Variants in TARS3 observed in about 807,000 individuals in gnomAD.
The protein encoded by TARS3 is threonine--tRNA ligase 2, cytoplasmic.
A neutral mutation model predicts 103.5 loss-of-function variants in TARS3; 94 were observed. The ratio of observed to expected loss-of-function variants is 0.91; its 90% CI spans 0.77 to 1.08. TARS3 has a LOEUF of 1.08. Ranked by LOEUF, TARS3 falls within the 50% of genes least tolerant of loss-of-function variation. The pLI, the probability that TARS3 is intolerant of heterozygous loss-of-function variation, is 0.00. For missense variants in TARS3, 952 were observed against 995.2 expected (o/e 0.96, Z 0.58); for synonymous variants, 416 against 355.4 (o/e 1.17, Z -1.92).
intron 12 of TARS3, among the ~76,000 whole-genome samples, chr15:101,677,441 C>G (rs1332701747): frequency 1.3e-5 from 2 of 152,200 alleles, no homozygotes; most frequent in Admixed American, 1.3e-4. Flanking sequence ...CTTTGCTCAC[C>G]CCACTGAGGC....
At chr15:101,681,321 T>C (rs1392954353) in intron 12 of TARS3, among the ~76,000 whole-genome samples, 1 of 152,216 alleles carries the variant, frequency 6.6e-6, no homozygotes, top group Non-Finnish European at 1.5e-5. Flanking sequence ...AAAGGTCTGC[T>C]TGGGTATTGA....
Position 101,724,354 on chromosome 15 carries a change from C to T in TARS3, c.34G>A (p.Ala12Thr). The T allele has an allele frequency of 1.3e-6, 2 of 1,544,934 alleles. No individual in the cohort carries two copies. The highest frequency in any genetic ancestry group is 1.2e-5 in the South Asian group (1 of 84,268). Residue 12 changes from alanine to threonine, a missense_variant, in exon 1 of 19, where the codon GCG becomes ACG. Transcript: ENST00000335968. ...AAEALAAEAV[A>T]SRLERQEEDI... ...TCCTCCTGCCGCTCCAGGCGCGACG[C>T]CACGGCCTCCGCCGCCAGGGCCTCG...
intron 3 of TARS3, among the ~76,000 whole-genome samples, chr15:101,718,615 TAG>T (rs1210913446): frequency 2.0e-5 from 3 of 151,916 alleles, no homozygotes; most frequent in African/African-American, 7.3e-5. Flanking sequence ...ATCCAGACAA[TAG>T]AGGCCAGTGG....
chr15:101,687,140 C>T (rs758407937), intron 10 of TARS3, among the ~76,000 whole-genome samples: 3 of 152,006 alleles, frequency 2.0e-5, no homozygotes, highest in East Asian at 1.9e-4. Context: ...TGGTGGCTCA[C>T]GCCTGTAATC....
chr15:101,659,798 A>G (rs987601263), intron 16 of TARS3, among the ~76,000 whole-genome samples: 5 of 152,232 alleles, frequency 3.3e-5, no homozygotes, highest in African/African-American at 1.2e-4. Context: ...TGTAACTTCA[A>G]CAGCTTAGAA....
chr15:101,693,271 G>C (rs1271933625), intron 10 of TARS3, among the ~76,000 whole-genome samples: 2 of 152,138 alleles, frequency 1.3e-5, no homozygotes, highest in Admixed American at 1.3e-4. Flanking sequence ...TGGTGGGGGG[G>C]CCTCACAATC....
intron 2 of TARS3, among the ~76,000 whole-genome samples, chr15:101,722,332 C>T (rs1394169878): frequency 6.6e-6 from 1 of 151,418 alleles, no homozygotes; most frequent in Non-Finnish European, 1.5e-5. Flanking sequence ...TACTTGTATA[C>T]CATCGTACTC....
intron 10 of TARS3, among the ~76,000 whole-genome samples, chr15:101,691,331 G>C (rs1350587947): frequency 6.6e-6 from 1 of 151,594 alleles, no homozygotes; most frequent in Non-Finnish European, 1.5e-5. Context: ...CCAGGCTGGA[G>C]TGCAGTGGCA....
chr15:101,658,311 C>CAAAAAAAAAAA (rs36121104), intron 16 of TARS3, among the ~76,000 whole-genome samples: 1 of 70,150 alleles, frequency 1.4e-5, no homozygotes, highest in Non-Finnish European at 2.5e-5. Flanking sequence ...ACACCATCAG[C>CAAAAAAAAAAA]AAAAAAAAAA....
Position 101,721,203 on chromosome 15 carries a change from T to A in TARS3, c.489A>T (p.Thr163=), listed in dbSNP as rs376197794. The A allele has an allele frequency of 1.2e-6, 2 of 1,614,004 alleles. No individual in the cohort carries two copies. The highest frequency in any genetic ancestry group is 1.6e-4 in the Middle Eastern group (1 of 6,062). Residue 163 remains threonine (T), a synonymous_variant, in exon 3 of 19, where the codon ACA becomes ACT. Transcript: ENST00000335968. The stretch of plus-strand genomic sequence containing the variant: ...CTGTTTGCCCATCAGCCACTCTTAC[T>A]GTGATGATGTTGCTTGTATCCCCCT... ...GKKGDTSNII[T]VRVADGQTVQ... is the part of the protein sequence containing the mutation.
chr15:101,661,903 T>C (rs1220120488), intron 15 of TARS3, 87 bp from the exon 16 acceptor site: 2 of 770,212 alleles, frequency 2.6e-6, no homozygotes, highest in Non-Finnish European at 3.9e-6. Flanking sequence ...AGAATAGATT[T>C]AGATTAGTGA....
chr15:101,701,240 C>T lies in TARS3; in HGVS notation c.1222-56G>A, dbSNP rs1899259368. The T allele has an allele frequency of 7.5e-6, 8 of 1,070,430 alleles. No homozygotes were observed. In the Admixed American group the frequency reaches 1.6e-4, roughly 21 times the overall value. 66.3% of individuals were successfully genotyped at this position (1,070,430 alleles called of 1,614,324 possible). On this transcript the variant is annotated intron_variant, in intron 9 of 18. Transcript: ENST00000335968. ...GTCATCTGCTATTGCTTAATATTTA[C>T]TGCACACACATATAATACTCAGTTA...
chr15:101,674,486 T>G (rs976637571), intron 13 of TARS3, among the ~76,000 whole-genome samples: 3 of 152,196 alleles, frequency 2.0e-5, no homozygotes, highest in African/African-American at 4.8e-5. Flanking sequence ...CTGTTGCACC[T>G]CACACTGCGA....
Position 101,657,790 on chromosome 15 carries a change from G to C in TARS3, c.2140C>G (p.Leu714Val), listed in dbSNP as rs545314292. ...PVGPTCEKYA[L>V]QVSSEFFEEG... ...TTAAACACCTCTGATTTTACCTGAA[G>C]TGCATATTTTTCACAAGTTGGCCCC... Residue 714 changes from leucine (L) to valine (V), a missense_variant, in exon 17 of 19, where the codon CTT becomes GTT. By Grantham distance (32) the Leu-to-Val change is conservative. This residue lies in a region of TARS3 where 540 missense variants were observed against 631.0 expected (regional missense o/e 0.86). Transcript: ENST00000335968. The C allele has an allele frequency of 6.2e-7, 1 of 1,606,038 alleles. No homozygotes were observed. The highest frequency in any genetic ancestry group is 8.5e-7 in the Non-Finnish European group (1 of 1,174,808).
At position 101,711,996 on chromosome 15, in the gene TARS3, G is replaced by T; in HGVS notation, c.696C>A (p.Tyr232Ter). ...TFDNEEAQAV[Y>*]WHSSAHILGE... ...CAAGAATGTGAGCACTGGAGTGCCA[G>T]TACACCTGCATGGCATGGACAAAGA... Residue 232 changes from tyrosine to a stop codon, truncating the protein, a stop_gained, in exon 5 of 19, where the codon TAC becomes TAA. Coordinates refer to ENST00000335968, the MANE Select transcript of TARS3 (RefSeq NM_152334.3). LOFTEE classifies it high-confidence loss of function. The T allele has an allele frequency of 6.2e-7, 1 of 1,612,540 alleles. No homozygotes were observed. Among genetic ancestry groups the T allele is most frequent in the Non-Finnish European group, 8.5e-7 (1 of 1,179,276 alleles).
At chr15:101,715,644 T>C (rs1900118536) in intron 3 of TARS3, among the ~76,000 whole-genome samples, 1 of 152,224 alleles carries the variant, frequency 6.6e-6, no homozygotes. Context: ...TAGCTTGCAT[T>C]TTCTGTCATG....
chr15:101,689,224 T>C lies in TARS3; in HGVS notation c.1321-3162A>G, dbSNP rs373141542. Among the ~76,000 whole-genome samples, 6 of 151,896 alleles carry C rather than the reference T, an allele frequency of 4.0e-5. No individual in the cohort carries two copies. In the East Asian group the frequency reaches 1.2e-3, roughly 30 times the overall value. The stretch of plus-strand genomic sequence containing the variant: ...TTGCTTACAATGGAGTAAGGAGGAC[T>C]GTGTCTGGAATTCAGTGGGGAGCCT... On this transcript the variant is annotated intron_variant, in intron 10 of 18. Coordinates refer to ENST00000335968, the MANE Select transcript of TARS3 (RefSeq NM_152334.3).
At position 101,684,102 on chromosome 15, in the gene TARS3, A is replaced by G; in HGVS notation, c.1623T>C (p.Asp541=). 6.2e-7 allele frequency: 1 copy of G among 1,613,416 alleles called. No individual in the cohort carries two copies. Among genetic ancestry groups the G allele is most frequent in the Non-Finnish European group, 8.5e-7 (1 of 1,179,658 alleles). ...GCTCCACTGTGCAAAAAATGTGAGC[A>G]TCGTCCTGCTGGAAGCGCCTCACTC... ...LTRVRRFQQD[D]AHIFCTVEQI... Residue 541 remains aspartate (D), a synonymous_variant, in exon 12 of 19, where the codon GAT becomes GAC. Transcript: ENST00000335968.
At chr15:101,670,815 A>G (rs1323639384) in intron 15 of TARS3, among the ~76,000 whole-genome samples, 1 of 152,226 alleles carries the variant, frequency 6.6e-6, no homozygotes, top group Admixed American at 6.5e-5. Context: ...ACAGAAAGGA[A>G]CAAACTATCA....
Sources: gnomAD v4.1 joint callset for allele counts (sites outside exome capture counted in the v4.1 genomes callset) on GRCh38, gnomAD v4.1.1 for gene constraint, gnomAD v4.1.1 regional missense constraint, MANE v1.5 for transcripts, NCBI Gene and HGNC (gene_info 2026-07-23, HGNC 2026-07-21) for gene names.